The following SOX5 variants were observed in gnomAD, a reference collection of about 807,000 sequenced individuals.
SOX5 encodes SRY-box transcription factor 5.
A neutral mutation model predicts 92.0 loss-of-function variants in SOX5; 9 were observed. The ratio of observed to expected loss-of-function variants is 0.10; its 90% CI spans 0.06 to 0.17. The LOEUF is 0.17. SOX5 is among the 10% of genes least tolerant of loss of function. The pLI is 1.00. For missense variants in SOX5, 642 were observed against 944.5 expected (o/e 0.68, Z 4.20); for synonymous variants, 344 against 336.3 (o/e 1.02, Z -0.25).
chr12:24,538,290 T>C (rs1951817378), intron 1 of SOX5, among the ~76,000 whole-genome samples: 2 of 152,094 alleles, frequency 1.3e-5, no homozygotes, highest in Non-Finnish European at 1.5e-5. Flanking sequence ...CAAAACATTG[T>C]AACAGTGCAT....
chr12:23,947,459 G>A (rs1414152223), intron 1 of SOX5, among the ~76,000 whole-genome samples: 1 of 151,716 alleles, frequency 6.6e-6, no homozygotes, highest in African/African-American at 2.4e-5. Context: ...TCATGCATGG[G>A]TGCCTATAGA....
chr12:24,126,941 G>A (rs1325084529), intron 4 of SOX5, among the ~76,000 whole-genome samples: 2 of 152,096 alleles, frequency 1.3e-5, no homozygotes, highest in African/African-American at 4.8e-5. Context: ...CATCTTAAAA[G>A]GCTTCTTAGG....
chr12:24,252,342 G>C (rs1042119969), intron 3 of SOX5, among the ~76,000 whole-genome samples: 1 of 152,162 alleles, frequency 6.6e-6, no homozygotes, highest in African/African-American at 2.4e-5. Flanking sequence ...ACCAATTGCT[G>C]TCACAATTTG....
chr12:23,629,258 A>T (rs1454084212), intron 8 of SOX5, among the ~76,000 whole-genome samples: 1 of 152,060 alleles, frequency 6.6e-6, no homozygotes, highest in Non-Finnish European at 1.5e-5. Context: ...TTCTTTCTTA[A>T]TTTAATGGCC....
At chr12:23,902,421 G>A (rs2097244831) in intron 1 of SOX5, among the ~76,000 whole-genome samples, 1 of 151,962 alleles carries the variant, frequency 6.6e-6, no homozygotes, top group Admixed American at 6.6e-5. Flanking sequence ...CTTAAAGTTT[G>A]CAGTTATATA....
At position 23,596,790 on chromosome 12, in the gene SOX5, A is replaced by G. The variant is rs1952539592; in HGVS notation, c.1164+7597T>C. Among the ~76,000 whole-genome samples the G allele has an allele frequency of 3.3e-5, 5 of 152,268 alleles. No homozygotes were observed. The South Asian group carries it at 1.0e-3, about 32-fold the overall frequency. On this transcript the variant is annotated intron_variant, in intron 9 of 14. Transcript: ENST00000451604. ...CTTAGCATTTTTAGCTATGATGTTC[A>G]TTGAGGTTTTATCAGATAACAATAG...
chr12:23,752,665 T>C (rs982755005), intron 4 of SOX5, among the ~76,000 whole-genome samples: 76 of 151,846 alleles, frequency 5.0e-4, no homozygotes, highest in African/African-American at 1.8e-3. Context: ...TATGAGACTC[T>C]AAAAGGTATT....
At chr12:24,332,963 A>G (rs1204574974) in intron 2 of SOX5, among the ~76,000 whole-genome samples, 3 of 152,172 alleles carry the variant, frequency 2.0e-5, no homozygotes, top group Non-Finnish European at 4.4e-5. Flanking sequence ...AAAGTAACTA[A>G]TCAAGAAAAA....
intron 1 of SOX5, among the ~76,000 whole-genome samples, chr12:24,518,701 C>T (rs778079669): frequency 2.6e-5 from 4 of 152,120 alleles, no homozygotes; most frequent in Non-Finnish European, 5.9e-5. Flanking sequence ...CACACATAGT[C>T]ATTTACATAC....
chr12:24,309,166 T>C (rs1278364887), intron 2 of SOX5, among the ~76,000 whole-genome samples: 1 of 152,220 alleles, frequency 6.6e-6, no homozygotes, highest in Admixed American at 6.5e-5. Flanking sequence ...TATTTTCTTC[T>C]TCCTTGGGGA....
intron 3 of SOX5, among the ~76,000 whole-genome samples, chr12:23,819,695 TG>T (rs1254638960): frequency 6.6e-6 from 1 of 152,192 alleles, no homozygotes; most frequent in African/African-American, 2.4e-5. Flanking sequence ...TTTCTGTTCC[TG>T]TGTTAGTTTG....
intron 2 of SOX5, among the ~76,000 whole-genome samples, chr12:24,298,529 G>A (rs1290323488): frequency 6.6e-6 from 1 of 151,998 alleles, no homozygotes; most frequent in Admixed American, 6.6e-5. Context: ...GAGTAATAGG[G>A]CCAGGTATTA....
intron 2 of SOX5, among the ~76,000 whole-genome samples, chr12:23,847,483 T>C (rs2096587638): frequency 6.6e-6 from 1 of 152,194 alleles, no homozygotes; most frequent in African/African-American, 2.4e-5. Context: ...AGCTTAAAAA[T>C]ATGCTAACAT....
At chr12:23,748,026 C>T (rs1192217347) in intron 4 of SOX5, among the ~76,000 whole-genome samples, 3 of 151,452 alleles carry the variant, frequency 2.0e-5, no homozygotes, top group African/African-American at 4.8e-5. Context: ...TCCAGCTCCT[C>T]GGAGGGCCTT....
intron 3 of SOX5, among the ~76,000 whole-genome samples, chr12:24,240,409 C>G (rs939853): frequency 0.82 from 124,547 of 152,202 alleles, 51,388 homozygotes; most frequent in East Asian, 0.97. Flanking sequence ...TTTCCCAAAA[C>G]AACAACTACT....
At chr12:24,323,730 G>C (rs530850903) in intron 2 of SOX5, among the ~76,000 whole-genome samples, 1 of 152,112 alleles carries the variant, frequency 6.6e-6, no homozygotes, top group Non-Finnish European at 1.5e-5. Flanking sequence ...CACAAGCCCA[G>C]ATATAGCTGG....
chr12:23,889,858 C>A (rs1452919631), intron 2 of SOX5, among the ~76,000 whole-genome samples: 1 of 152,010 alleles, frequency 6.6e-6, no homozygotes, highest in African/African-American at 2.4e-5. Flanking sequence ...ATTCAGATTT[C>A]TTTAACAATT....
rs149249453 is a variant in SOX5, at chr12:23,582,133, T to A, written c.1165-6295A>T. 3.0e-6 allele frequency: 3 copies of A among 984,786 alleles called. No individual in the cohort carries two copies. In the South Asian group the frequency reaches 1.4e-4, roughly 46 times the overall value. The allele number at this position is 984,786 out of a possible 1,614,324, so 61.0% of individuals were successfully genotyped here. A position where few individuals can be genotyped will look rare whatever the true frequency, so the allele number is the denominator to read the frequency against. The stretch of plus-strand genomic sequence containing the variant: ...TAGGGAAGTTACATGACAGCCTGAA[T>A]TGCATAATGTGCACTGTTGCCGCAC... On this transcript the variant is annotated intron_variant, in intron 9 of 14. Coordinates refer to ENST00000451604, the MANE Select transcript of SOX5 (RefSeq NM_006940.6).
intron 4 of SOX5, among the ~76,000 whole-genome samples, chr12:23,956,077 C>T (rs981538120): frequency 6.6e-6 from 1 of 152,012 alleles, no homozygotes; most frequent in Non-Finnish European, 1.5e-5. Flanking sequence ...GAGAGTTAAA[C>T]CTGAGGTAAG....
Sources: gnomAD v4.1 joint callset for allele counts (sites outside exome capture counted in the v4.1 genomes callset) on GRCh38, gnomAD v4.1.1 for gene constraint, MANE v1.5 for transcripts, NCBI Gene and HGNC (gene_info 2026-07-23, HGNC 2026-07-21) for gene names.